SNX31: variants seen among roughly 807,000 people sequenced by gnomAD.
SNX31 encodes sorting nexin-31.
In SNX31, 58 loss-of-function variants were observed where a neutral mutation model predicts 65.4. The ratio of observed to expected loss-of-function variants is 0.89; its 90% CI spans 0.72 to 1.10. SNX31 has a LOEUF of 1.10. SNX31 is among the 50% of genes least tolerant of loss of function. SNX31 has a pLI of 0.00. For synonymous variants in SNX31, 181 were observed against 190.1 expected, an observed-to-expected ratio of 0.95 and a Z score of 0.39; for missense variants, 523 against 529.7, an observed-to-expected ratio of 0.99 and a Z score of 0.12.
At chr8:100,618,096 C>A (rs1181580703) in intron 4 of SNX31, 19 of 985,268 alleles carry the variant, frequency 1.9e-5, no homozygotes, top group African/African-American at 5.2e-5. Context: ...TGCACCATTG[C>A]AGCAAGCGAA....
intron 3 of SNX31, among the ~76,000 whole-genome samples, chr8:100,635,637 T>A (rs935648878): frequency 6.6e-6 from 1 of 151,476 alleles, no homozygotes; most frequent in Non-Finnish European, 1.5e-5. Context: ...ACGTCCAGAA[T>A]AGGCAAATCT....
In SNX31 at chr8:100,575,583, C is replaced by A. The variant is rs1295146810; in HGVS notation, c.1227+1436G>T. 6.6e-6 allele frequency among the ~76,000 whole-genome samples: 1 copy of A among 152,138 alleles called. No individual in the cohort carries two copies. Among genetic ancestry groups the A allele is most frequent in the Non-Finnish European group, 1.5e-5 (1 of 68,026 alleles). On this transcript the variant is annotated intron_variant, in intron 13 of 13. Transcript: ENST00000311812. The surrounding 1 kb of genome is among the most constrained non-coding windows in gnomAD (Gnocchi z 5.1). ...TTGTCCTAGGACAGTGGCTCTCAAA[C>A]TTGAACATGCATCAGATTTGTCTGG...
intron 1 of SNX31, among the ~76,000 whole-genome samples, chr8:100,659,202 C>T (rs1404632836): frequency 2.0e-5 from 3 of 151,706 alleles, no homozygotes; most frequent in Admixed American, 1.3e-4. Context: ...AAAAATTAGC[C>T]GGGCCTGGTG....
At position 100,631,607 on chromosome 8, in the gene SNX31, T is replaced by G. The variant is rs1254956178; in HGVS notation, c.257-1216A>C. Among the ~76,000 whole-genome samples, 4 of 152,236 alleles carry G rather than the reference T, an allele frequency of 2.6e-5. 1 individual carries two copies. The East Asian group carries it at 7.7e-4, about 29-fold the overall frequency. On this transcript the variant is annotated intron_variant, in intron 3 of 13. Transcript: ENST00000311812. ...AGTGCGCCACCACACCCGGCCTGTT[T>G]TACTAATTTTATCAAACATCCTCTA...
At chr8:100,645,900 C>T (rs1819600266) in intron 2 of SNX31, among the ~76,000 whole-genome samples, 1 of 152,148 alleles carries the variant, frequency 6.6e-6, no homozygotes, top group African/African-American at 2.4e-5. Flanking sequence ...TGTGAATCAC[C>T]ATGCCCGGCC....
Position 100,604,292 on chromosome 8 carries a change from A to T in SNX31, c.682-3851T>A, listed in dbSNP as rs1175135997. Among the ~76,000 whole-genome samples, 1 of 152,268 alleles carries T rather than the reference A, an allele frequency of 6.6e-6. No individual in the cohort carries two copies. Among genetic ancestry groups the T allele is most frequent in the Non-Finnish European group, 1.5e-5 (1 of 68,042 alleles). On this transcript the variant is annotated intron_variant, in intron 8 of 13. Transcript: ENST00000311812. The surrounding 1 kb of genome is among the most constrained non-coding windows in gnomAD (Gnocchi z 4.3). ...AAAAAATAATAAAATTAAAAATTTT[A>T]AAAATCAAGCAAAATCACATAAGCC...
Position 100,636,895 on chromosome 8 carries a change from A to G in SNX31, c.142-884T>C, listed in dbSNP as rs570900375. Among the ~76,000 whole-genome samples the G allele has an allele frequency of 4.6e-5, 7 of 152,148 alleles. No homozygotes were observed. In the South Asian group the frequency reaches 1.2e-3, roughly 27 times the overall value. ...TGCCACCAGGCCAGGCTAATTTTGT[A>G]TTTTTAGTAGAGATAGTGTTTCTCC... On this transcript the variant is annotated intron_variant, in intron 2 of 13. Transcript: ENST00000311812.
chr8:100,628,389 A>G (rs35729223), intron 4 of SNX31, among the ~76,000 whole-genome samples: 4,121 of 152,304 alleles, frequency 0.027, 102 homozygotes, highest in Non-Finnish European at 0.039. Context: ...GCACATATAT[A>G]CCATGGAATA....
rs2131171315 is a variant in SNX31, at chr8:100,629,030, A to C, written c.321+1297T>G. 6.6e-6 allele frequency among the ~76,000 whole-genome samples: 1 copy of C among 152,292 alleles called. No homozygotes were observed. Among genetic ancestry groups the C allele is most frequent in the East Asian group, 1.9e-4 (1 of 5,190 alleles). ...AACATAGTATACAGGTTTGTAGCCT[A>C]GGGGCAGTAGGCTCTACCATCTAGG... On this transcript the variant is annotated intron_variant, in intron 4 of 13. Transcript: ENST00000311812. The surrounding 1 kb of genome is among the most constrained non-coding windows in gnomAD (Gnocchi z 5.1).
rs558390298 is a variant in SNX31, at chr8:100,594,987, T to C, written c.978+1652A>G. Among the ~76,000 whole-genome samples, 4 of 152,190 alleles carry C rather than the reference T, an allele frequency of 2.6e-5. No homozygotes were observed. Among genetic ancestry groups the C allele is most frequent in the Non-Finnish European group, 4.4e-5 (3 of 68,034 alleles). On this transcript the variant is annotated intron_variant, in intron 10 of 13. Coordinates refer to ENST00000311812, the MANE Select transcript of SNX31 (RefSeq NM_152628.4). The surrounding 1 kb of genome is among the most constrained non-coding windows in gnomAD (Gnocchi z 4.0). ...AATAAAAAGAGACAAACTACTGATATAGTCAGCAACCTGAATGAACTTCCA... is the reference window on the plus strand; with the variant it reads ...AATAAAAAGAGACAAACTACTGATACAGTCAGCAACCTGAATGAACTTCCA...
At chr8:100,587,883 G>A (rs1170013186) in intron 11 of SNX31, among the ~76,000 whole-genome samples, 1 of 152,188 alleles carries the variant, frequency 6.6e-6, no homozygotes, top group East Asian at 1.9e-4. Flanking sequence ...TCTGAGAAAT[G>A]CATCATTAGG....
At chr8:100,608,833 A>G (rs1191408898) in intron 7 of SNX31, among the ~76,000 whole-genome samples, 1 of 152,160 alleles carries the variant, frequency 6.6e-6, no homozygotes, top group East Asian at 1.9e-4. Flanking sequence ...CCCTGTTCAC[A>G]TTCAGCCTCA....
At position 100,591,089 on chromosome 8, in the gene SNX31, G is replaced by A. The variant is rs118016885; in HGVS notation, c.979-2110C>T. ...GGCTTTAAACACAGCGAGAGCTCTA[G>A]GGAGTTTTTGACAAATCTTTGGCTG... On this transcript the variant is annotated intron_variant, in intron 10 of 13. Coordinates refer to ENST00000311812, the MANE Select transcript of SNX31 (RefSeq NM_152628.4). Among the ~76,000 whole-genome samples the A allele has an allele frequency of 8.0e-3, 1,224 of 152,256 alleles. 44 individuals are homozygous for A. Among genetic ancestry groups the A allele is most frequent in the Admixed American group, 0.058 (888 of 15,272 alleles).
At chr8:100,606,039 G>GA (rs1816122139) in intron 8 of SNX31, among the ~76,000 whole-genome samples, 1 of 151,204 alleles carries the variant, frequency 6.6e-6, no homozygotes, top group Admixed American at 6.6e-5. Flanking sequence ...CACTGAACAT[G>GA]ATTTTTTTTT....
rs1812950389 is a variant in SNX31 at position 100,575,238 on chromosome 8, G to A, written c.1228-1278C>T. On this transcript the variant is annotated intron_variant, in intron 13 of 13. Coordinates refer to ENST00000311812, the MANE Select transcript of SNX31 (RefSeq NM_152628.4). This position sits in a 1 kb window ranked among gnomAD's most constrained non-coding sequence, Gnocchi z 5.1. Reference sequence around the variant, plus strand: ...TCAAATACTGGCTCTGATATTAACTGACTGTGTGACCTTGAGCAAGTGACT... The same window carrying A: ...TCAAATACTGGCTCTGATATTAACTAACTGTGTGACCTTGAGCAAGTGACT... Among the ~76,000 whole-genome samples, 1 of 152,222 alleles carries A rather than the reference G, an allele frequency of 6.6e-6. No homozygotes were observed. The highest frequency in any genetic ancestry group is 6.5e-5 in the Admixed American group (1 of 15,282).
In SNX31 at chr8:100,586,040, C is replaced by T. The variant is rs575152778; in HGVS notation, c.1093-1852G>A. Among the ~76,000 whole-genome samples the T allele has an allele frequency of 8.9e-4, 136 of 152,258 alleles. 1 individual carries two copies. Among genetic ancestry groups the T allele is most frequent in the Middle Eastern group, 6.8e-3 (2 of 294 alleles). On this transcript the variant is annotated intron_variant, in intron 11 of 13. Coordinates refer to ENST00000311812, the MANE Select transcript of SNX31 (RefSeq NM_152628.4). The stretch of plus-strand genomic sequence containing the variant: ...GATTCATGGGATTCTCCTGCCTTAG[C>T]CTCCCGAGTAGCTGGGATTACAGGT...
At chr8:100,603,636 C>T (rs1815856480) in intron 8 of SNX31, among the ~76,000 whole-genome samples, 1 of 151,798 alleles carries the variant, frequency 6.6e-6, no homozygotes, top group African/African-American at 2.4e-5. Flanking sequence ...GGGGTTTCAC[C>T]ATGTTGGTCA....
At chr8:100,649,410 C>A (rs778835930) in intron 1 of SNX31, 39 bp downstream of exon 1, 23 of 1,595,024 alleles carry the variant, frequency 1.4e-5, no homozygotes, top group Non-Finnish European at 1.8e-5. Flanking sequence ...TTGCCACCGG[C>A]CCCCTCCCTG....
At chr8:100,583,810 G>C (rs1225760289) in intron 12 of SNX31, among the ~76,000 whole-genome samples, 2 of 152,166 alleles carry the variant, frequency 1.3e-5, no homozygotes, top group Non-Finnish European at 2.9e-5. Context: ...AAATCTGAAA[G>C]CCTCCATGTC....
Sources: gnomAD v4.1 joint callset for allele counts (sites outside exome capture counted in the v4.1 genomes callset) on GRCh38, gnomAD v4.1.1 for gene constraint, Gnocchi (gnomAD v3.1) non-coding constraint, MANE v1.5 for transcripts, NCBI Gene and HGNC (gene_info 2026-07-23, HGNC 2026-07-21) for gene names.